The following TRPM4 variants were observed in gnomAD, a reference collection of about 807,000 sequenced individuals.
TRPM4 encodes transient receptor potential cation channel subfamily M member 4.
Under a neutral mutation model 135.6 loss-of-function variants are expected in TRPM4, and 124 were observed. The observed-to-expected ratio is 0.91, with a 90% CI of 0.79 to 1.06. The LOEUF is 1.06. Among genes scored for constraint, TRPM4 ranks in the 50% least tolerant of loss-of-function variants. TRPM4 has a pLI of 0.00. For synonymous variants in TRPM4, 745 were observed against 705.6 expected (o/e 1.06, Z -0.88); for missense variants, 1,658 against 1,671.4 (o/e 0.99, Z 0.14).
chr19:49,172,633 T>A (rs1435456765), intron 9 of TRPM4, among the ~76,000 whole-genome samples: 1 of 151,408 alleles, frequency 6.6e-6, no homozygotes, highest in African/African-American at 2.4e-5. Flanking sequence ...CTTCCATCCA[T>A]CCATCTTCTC....
rs1396898405 is a variant in TRPM4 at position 49,166,152 on chromosome 19, G to A, written c.204G>A (p.Thr68=). 2 of 1,608,546 alleles carry A rather than the reference G, an allele frequency of 1.2e-6. No homozygotes were observed. Among genetic ancestry groups the A allele is most frequent in the Non-Finnish European group, 1.7e-6 (2 of 1,178,380 alleles). ...TGTGGGACAGCGATGCACACACCAC[G>A]GAGAAGCCCACCGATGCCTACGGAG... is the stretch of plus-strand genomic sequence containing the variant. The part of the protein sequence containing the change: ...VTVWDSDAHT[T]EKPTDAYGEL... The change falls in exon 3 of 25, where the codon ACG becomes ACA. Residue 68 remains threonine (T), a synonymous_variant. Transcript: ENST00000252826.
intron 2 of TRPM4, 34 bp downstream of exon 2, chr19:49,158,293 G>T: frequency 6.2e-7 from 1 of 1,604,062 alleles, no homozygotes; most frequent in South Asian, 1.1e-5. Flanking sequence ...ACCCCAGAGG[G>T]TCCGCGGCCC....
chr19:49,182,701 C>T lies in TRPM4; in HGVS notation c.1387C>T (p.Leu463Phe). ...HFLTPMRLAQ[L>F]YSAAPSNSLI... is the part of the protein sequence containing the mutation. ...CCTGACCCCGATGCGCCTGGCCCAACTCTACAGCGCGGCGCCCTCCAACTC... is the reference window on the plus strand; with the variant it reads ...CCTGACCCCGATGCGCCTGGCCCAATTCTACAGCGCGGCGCCCTCCAACTC... The change falls in exon 11 of 25, where the codon CTC (leucine) becomes TTC (phenylalanine). Residue 463 changes from leucine to phenylalanine, a missense_variant. Coordinates refer to ENST00000252826, the MANE Select transcript of TRPM4 (RefSeq NM_017636.4). 1 of 1,614,216 alleles carries T rather than the reference C, an allele frequency of 6.2e-7. No individual in the cohort carries two copies. Among genetic ancestry groups the T allele is most frequent in the Non-Finnish European group, 8.5e-7 (1 of 1,180,040 alleles).
At chr19:49,205,536 T>G (rs1436345366) in intron 20 of TRPM4, among the ~76,000 whole-genome samples, 1 of 126,760 alleles carries the variant, frequency 7.9e-6, no homozygotes, top group Non-Finnish European at 1.6e-5. Context: ...CTTTTTTTTT[T>G]TTTTTTTTTT....
At position 49,171,339 on chromosome 19, in the gene TRPM4, C is replaced by T. The variant is rs548983214; in HGVS notation, c.797-18C>T. The T allele has an allele frequency of 6.2e-7, 1 of 1,614,160 alleles. No individual in the cohort carries two copies. The highest frequency in any genetic ancestry group is 1.3e-5 in the African/African-American group (1 of 75,022). On this transcript the variant is annotated intron_variant, in intron 6 of 24. Coordinates refer to ENST00000252826, the MANE Select transcript of TRPM4 (RefSeq NM_017636.4). The surrounding 1 kb of genome is among the most constrained non-coding windows in gnomAD (Gnocchi z 4.7). ...GGCTGATGGGAGGTAATCAAGCCCC[C>T]TTCTCTTCTTGCCTCAGGGACTGGA... is the stretch of plus-strand genomic sequence containing the variant.
At position 49,205,965 on chromosome 19, in the gene TRPM4, T is replaced by C. The variant is rs577513005; in HGVS notation, c.3131+3824T>C. On this transcript the variant is annotated intron_variant, in intron 20 of 24. Transcript: ENST00000252826. ...CCTTATGCCAGAACCACACAGTTTT[T>C]TGGGTTTTTTTTGAGACGGAGTCTC... Among the ~76,000 whole-genome samples the C allele has an allele frequency of 2.6e-5, 4 of 152,274 alleles. No homozygotes were observed. In the South Asian group the frequency reaches 8.3e-4, roughly 32 times the overall value.
chr19:49,160,248 T>G (rs1386862502), intron 2 of TRPM4, among the ~76,000 whole-genome samples: 1 of 152,160 alleles, frequency 6.6e-6, no homozygotes, highest in Non-Finnish European at 1.5e-5. Flanking sequence ...CCCAACAATC[T>G]GGGAGGCCGA....
At chr19:49,183,306 G>A in intron 12 of TRPM4, 94 bp downstream of exon 12, 1 of 1,540,476 alleles carries the variant, frequency 6.5e-7, no homozygotes, top group Non-Finnish European at 8.9e-7. Context: ...CCCGACCCCT[G>A]ACGTCACCTG....
chr19:49,208,114 A>C (rs1969215671), intron 20 of TRPM4, among the ~76,000 whole-genome samples: 1 of 150,412 alleles, frequency 6.6e-6, no homozygotes, highest in Non-Finnish European at 1.5e-5. Context: ...AAGAAAGATC[A>C]AAGACTTTAA....
At chr19:49,201,038 A>T (rs1171110414) in intron 19 of TRPM4, among the ~76,000 whole-genome samples, 2 of 149,922 alleles carry the variant, frequency 1.3e-5, no homozygotes, top group African/African-American at 2.5e-5. Flanking sequence ...GATGTTAGAA[A>T]TGTTTATTTT....
At chr19:49,174,854 A>G (rs1483050501) in intron 9 of TRPM4, among the ~76,000 whole-genome samples, 1 of 151,620 alleles carries the variant, frequency 6.6e-6, no homozygotes. Context: ...GTATTCAGGA[A>G]GATTCCCAGG....
rs562412486 is a variant in TRPM4 at position 49,166,379 on chromosome 19, C to T, written c.267+164C>T. ...CACCTATCTTCTCTCTGAGGGGGTC[C>T]CGTTCTCTCTGCGTCTCTTTGTCTC... On this transcript the variant is annotated intron_variant, in intron 3 of 24. Coordinates refer to ENST00000252826, the MANE Select transcript of TRPM4 (RefSeq NM_017636.4). 5.9e-5 allele frequency among the ~76,000 whole-genome samples: 9 copies of T among 152,256 alleles called. No homozygotes were observed. The South Asian group carries it at 1.7e-3, about 28-fold the overall frequency.
chr19:49,159,320 G>C (rs2041593831), intron 2 of TRPM4: 1 of 151,774 alleles, frequency 6.6e-6, no homozygotes, highest in South Asian at 2.1e-4. Flanking sequence ...GTGAGCCATC[G>C]CGCTGGGCCA....
intron 12 of TRPM4, among the ~76,000 whole-genome samples, chr19:49,184,552 C>A (rs1965436959): frequency 6.8e-6 from 1 of 146,612 alleles, no homozygotes; most frequent in South Asian, 2.1e-4. Context: ...GCTCTGCCTC[C>A]TGGGTTCACG....
intron 15 of TRPM4, 114 bp from the exon 16 acceptor site, chr19:49,190,582 C>A: frequency 1.8e-6 from 2 of 1,134,552 alleles, no homozygotes; most frequent in South Asian, 1.3e-5. Context: ...TTTAGGAGAC[C>A]ACCTCTCTGT....
chr19:49,182,673 C>G lies in TRPM4; in HGVS notation c.1359C>G (p.His453Gln). The G allele has an allele frequency of 6.2e-7, 1 of 1,614,244 alleles. No homozygotes were observed. The highest frequency in any genetic ancestry group is 8.5e-7 in the Non-Finnish European group (1 of 1,180,046). Residue 453 changes from histidine (H) to glutamine (Q), a missense_variant, in exon 11 of 25, where the codon CAC (histidine) becomes CAG (glutamine). By Grantham distance (24) the His-to-Gln change is conservative. Around this residue, in one of 3 missense-constraint regions of TRPM4, gnomAD observed 1,412 missense variants for 1,408.7 expected, o/e 1.00. Transcript: ENST00000252826. ...TTTCCCACGGCCTCAGCCTGGGCCA[C>G]TTCCTGACCCCGATGCGCCTGGCCC... ...LLISHGLSLG[H>Q]FLTPMRLAQL...
chr19:49,172,175 G>T (rs1457433565), intron 9 of TRPM4, 67 bp downstream of exon 9: 1 of 1,226,982 alleles, frequency 8.2e-7, no homozygotes, highest in Non-Finnish European at 1.2e-6. Context: ...CCTGGCCTGG[G>T]CACTTCATCC....
intron 19 of TRPM4, 21 bp from the exon 20 acceptor site, chr19:49,201,943 T>C (rs769819561): frequency 6.2e-7 from 1 of 1,612,754 alleles, no homozygotes; most frequent in Non-Finnish European, 8.5e-7. Context: ...TCACCCCATC[T>C]CTGAATGTCT....
intron 2 of TRPM4, among the ~76,000 whole-genome samples, chr19:49,165,436 C>T (rs1165142548): frequency 6.6e-6 from 1 of 152,164 alleles, no homozygotes; most frequent in East Asian, 1.9e-4. Flanking sequence ...CTGCGTTATT[C>T]AAGGTTATTT....
Sources: allele counts gnomAD v4.1 joint callset (sites outside exome capture counted in the v4.1 genomes callset), GRCh38; gene constraint gnomAD v4.1.1; regional missense constraint gnomAD v4.1.1; non-coding constraint Gnocchi (gnomAD v3.1); transcripts MANE v1.5; gene names NCBI Gene and HGNC (gene_info 2026-07-23, HGNC 2026-07-21).